CBX5: variants seen among roughly 807,000 people sequenced by gnomAD.
The protein encoded by CBX5 is chromobox 5, also known as chromobox protein homolog 5.
CBX5 carries 7 observed loss-of-function variants against 20.7 expected under a neutral mutation model. The ratio of observed to expected loss-of-function variants is 0.34; its 90% CI spans 0.19 to 0.63. CBX5 has a LOEUF of 0.63. Among genes scored for constraint, CBX5 ranks in the 30% least tolerant of loss-of-function variants. The pLI, the probability that CBX5 is intolerant of heterozygous loss-of-function variation, is 0.75. For synonymous variants in CBX5, 78 were observed against 77.0 expected (o/e 1.01, Z -0.07); for missense variants, 110 against 224.1 (o/e 0.49, Z 3.25).
intron 4 of CBX5, among the ~76,000 whole-genome samples, chr12:54,243,240 T>C (rs1292913966): frequency 6.6e-6 from 1 of 152,154 alleles, no homozygotes; most frequent in Non-Finnish European, 1.5e-5. Context: ...AGCCAATTAA[T>C]GTTAATGTAA....
In CBX5 at chr12:54,237,593, G is replaced by GA. The variant is rs1394374557; in HGVS notation, c.*4161dup. On this transcript the variant is annotated 3_prime_UTR_variant, in exon 5 of 5. Coordinates refer to ENST00000209875, the MANE Select transcript of CBX5 (RefSeq NM_012117.3). Reference sequence around the variant, plus strand: ...TAATGACTGCTTCTCAGTAATTCAGGAAAAATTTAGAAATATAGCATTGTG... The same window carrying GA: ...TAATGACTGCTTCTCAGTAATTCAGGAAAAAATTTAGAAATATAGCATTGTG... 1 of 152,770 alleles carries GA rather than the reference G, an allele frequency of 6.5e-6. No homozygotes were observed. Among genetic ancestry groups the GA allele is most frequent in the Non-Finnish European group, 1.5e-5 (1 of 68,090 alleles). The allele number at this position is 152,770 out of a possible 1,614,324, so 9.5% of individuals were successfully genotyped here.
chr12:54,267,531 A>G (rs1043917421), intron 1 of CBX5, among the ~76,000 whole-genome samples: 1 of 147,822 alleles, frequency 6.8e-6, no homozygotes, highest in Non-Finnish European at 1.5e-5. Context: ...TTTTTTTTTG[A>G]GACGGAGTCT....
At chr12:54,269,196 G>C (rs1943985676) in intron 1 of CBX5, among the ~76,000 whole-genome samples, 1 of 152,040 alleles carries the variant, frequency 6.6e-6, no homozygotes, top group Admixed American at 6.6e-5. Context: ...CCAGGAGGCG[G>C]AGGTTGCAGT....
rs1458702410 is a variant in CBX5, at chr12:54,232,445, G to A, written c.*9310C>T. The A allele has an allele frequency of 1.3e-5, 2 of 152,190 alleles. No individual in the cohort carries two copies. The highest frequency in any genetic ancestry group is 2.4e-5 in the African/African-American group (1 of 41,416). The allele number at this position is 152,190 out of a possible 1,614,324, so 9.4% of individuals were successfully genotyped here. On this transcript the variant is annotated 3_prime_UTR_variant, in exon 5 of 5. Transcript: ENST00000209875. ...TACAATGCCTCACAACAACACCCCTGTGAGGTAGGTCAGTATTATTAACCC... is the reference window on the plus strand; with the variant it reads ...TACAATGCCTCACAACAACACCCCTATGAGGTAGGTCAGTATTATTAACCC...
chr12:54,271,213 G>A (rs1225522392), intron 1 of CBX5, among the ~76,000 whole-genome samples: 1 of 152,232 alleles, frequency 6.6e-6, no homozygotes, highest in Non-Finnish European at 1.5e-5. Flanking sequence ...ATATCAGGTT[G>A]TTGGTAGTGT....
chr12:54,253,878 A>G (rs1349425346), intron 2 of CBX5, among the ~76,000 whole-genome samples: 2 of 150,512 alleles, frequency 1.3e-5, no homozygotes. Flanking sequence ...CTTCGGCCTC[A>G]GCCTCCCCGG....
At chr12:54,278,630 AATTT>A (rs1438065454) in intron 1 of CBX5, 1 of 152,234 alleles carries the variant, frequency 6.6e-6, no homozygotes, top group Non-Finnish European at 1.5e-5. Context: ...ATGTTATCAA[AATTT>A]ATTTATTTCT....
intron 3 of CBX5, 99 bp from the exon 4 acceptor site, chr12:54,246,314 T>C: frequency 2.3e-6 from 2 of 863,420 alleles, no homozygotes; most frequent in Non-Finnish European, 3.7e-6. Context: ...TAATATCTCC[T>C]GATATCATTT....
At chr12:54,254,289 C>T (rs1279524585) in intron 2 of CBX5, among the ~76,000 whole-genome samples, 3 of 129,834 alleles carry the variant, frequency 2.3e-5, no homozygotes, top group African/African-American at 9.1e-5. Flanking sequence ...TGAGTTCGAG[C>T]TATTGCACTC....
In CBX5 at chr12:54,238,326, G is replaced by A. The variant is rs566283905; in HGVS notation, c.*3429C>T. 3.9e-5 allele frequency: 6 copies of A among 152,232 alleles called. No homozygotes were observed. The highest frequency in any genetic ancestry group is 1.9e-4 in the East Asian group (1 of 5,188). 9.4% of individuals were successfully genotyped at this position (152,232 alleles called of 1,614,324 possible). ...ATGTCAGCCATTTAACCAGGGCTAC[G>A]GATCAAAAAGGAAAAAATACAGTCA... On this transcript the variant is annotated 3_prime_UTR_variant, in exon 5 of 5. Transcript: ENST00000209875.
intron 1 of CBX5, among the ~76,000 whole-genome samples, chr12:54,260,336 C>CA (rs879235697): frequency 1.3e-5 from 2 of 151,604 alleles, no homozygotes; most frequent in Non-Finnish European, 2.9e-5. Context: ...ACTAAAAATA[C>CA]AAAAAAATTA....
At chr12:54,252,249 A>T in intron 2 of CBX5, 22 bp from the exon 3 acceptor site, 1 of 1,532,532 alleles carries the variant, frequency 6.5e-7, no homozygotes, top group Non-Finnish European at 8.8e-7. Context: ...AAATGGGAAA[A>T]TTAAAAAAAA....
chr12:54,263,236 C>T (rs2137025591), intron 1 of CBX5, among the ~76,000 whole-genome samples: 1 of 152,068 alleles, frequency 6.6e-6, no homozygotes, highest in East Asian at 1.9e-4. Context: ...TGGCAGGCAC[C>T]TGTTATCTCA....
At chr12:54,257,750 T>C (rs1033793579) in intron 1 of CBX5, 58 bp from the exon 2 acceptor site, 1 of 1,359,048 alleles carries the variant, frequency 7.4e-7, no homozygotes, top group Non-Finnish European at 1.0e-6. Flanking sequence ...AAACTTTGTC[T>C]TTTCTTGATG....
At position 54,238,825 on chromosome 12, in the gene CBX5, T is replaced by G. The variant is rs1943648617; in HGVS notation, c.*2930A>C. 6.6e-6 allele frequency: 1 copy of G among 152,238 alleles called. No individual in the cohort carries two copies. Among genetic ancestry groups the G allele is most frequent in the Non-Finnish European group, 1.5e-5 (1 of 68,040 alleles). The allele number at this position is 152,238 out of a possible 1,614,324, so 9.4% of individuals were successfully genotyped here. A position where few individuals can be genotyped will look rare whatever the true frequency, so the allele number is the denominator to read the frequency against. ...AGGGAGATCTTTTAATGTTGATTAC[T>G]GAAAGGCTTAGAAAGATGTCTTGAA... is the stretch of plus-strand genomic sequence containing the variant. On this transcript the variant is annotated 3_prime_UTR_variant, in exon 5 of 5. Coordinates refer to ENST00000209875, the MANE Select transcript of CBX5 (RefSeq NM_012117.3).
At chr12:54,244,661 C>A (rs1170925730) in intron 4 of CBX5, among the ~76,000 whole-genome samples, 1 of 151,834 alleles carries the variant, frequency 6.6e-6, no homozygotes, top group Non-Finnish European at 1.5e-5. Flanking sequence ...TCACTTGAAC[C>A]CGGGAGGCAG....
At chr12:54,247,480 A>G (rs1035827225) in intron 3 of CBX5, among the ~76,000 whole-genome samples, 10 of 152,144 alleles carry the variant, frequency 6.6e-5, no homozygotes, top group African/African-American at 2.2e-4. Context: ...GCAGTGAGCT[A>G]TGATCACGCC....
intron 1 of CBX5, among the ~76,000 whole-genome samples, chr12:54,266,556 A>C (rs1943958651): frequency 6.6e-6 from 1 of 152,196 alleles, no homozygotes; most frequent in African/African-American, 2.4e-5. Flanking sequence ...AGACCTCCGC[A>C]ATATTTAAAA....
chr12:54,246,911 A>C (rs1355833793), intron 3 of CBX5, among the ~76,000 whole-genome samples: 1 of 152,174 alleles, frequency 6.6e-6, no homozygotes, highest in Non-Finnish European at 1.5e-5. Context: ...ATGGTAAAGA[A>C]TACCATGTTT....
Sources: allele counts gnomAD v4.1 joint callset (sites outside exome capture counted in the v4.1 genomes callset), GRCh38; gene constraint gnomAD v4.1.1; transcripts MANE v1.5; gene names NCBI Gene and HGNC (gene_info 2026-07-23, HGNC 2026-07-21).